PTPRA: variants seen among roughly 807,000 people sequenced by gnomAD.
PTPRA encodes the protein receptor-type tyrosine-protein phosphatase alpha.
Under a neutral mutation model 104.8 loss-of-function variants are expected in PTPRA, and 25 were observed. The ratio of observed to expected loss-of-function variants is 0.24; its 90% confidence interval spans 0.17 to 0.33. PTPRA has a LOEUF of 0.33. Among genes scored for constraint, PTPRA ranks in the 10% least tolerant of loss-of-function variants. The pLI is 1.00. For missense variants in PTPRA, 765 were observed against 1,015.3 expected, an observed-to-expected ratio of 0.75 and a Z score of 3.35; for synonymous variants, 323 against 368.9, an observed-to-expected ratio of 0.88 and a Z score of 1.43.
chr20:3,006,802 T>C (rs1446897610), intron 10 of PTPRA, among the ~76,000 whole-genome samples: 1 of 152,152 alleles, frequency 6.6e-6, no homozygotes, highest in Non-Finnish European at 1.5e-5. Flanking sequence ...CAGCTAATTT[T>C]GTATTTTTAG....
At chr20:2,936,920 C>G (rs2060724267) in intron 2 of PTPRA, among the ~76,000 whole-genome samples, 2 of 152,094 alleles carry the variant, frequency 1.3e-5, no homozygotes, top group Middle Eastern at 3.4e-3. Flanking sequence ...TCTGTTTCCC[C>G]TTTCCTGTTT....
At chr20:2,864,785 G>C in the PTPRA span, 1 of 1,173,610 alleles carries the variant, frequency 8.5e-7, no homozygotes, top group Admixed American at 1.9e-5. This position sits in a 1 kb window ranked among gnomAD's most constrained non-coding sequence, Gnocchi z 5.2. Flanking sequence ...GGGAGACTCT[G>C]ACGTGAGGCC....
At chr20:2,865,728 C>T in the PTPRA span, among the ~76,000 whole-genome samples, 6 of 152,300 alleles carry the variant, frequency 3.9e-5, no homozygotes, top group African/African-American at 1.4e-4. This position sits in a 1 kb window ranked among gnomAD's most constrained non-coding sequence, Gnocchi z 5.2. Flanking sequence ...GAATGAGCTG[C>T]TTTCCCCAGG....
chr20:2,898,583 C>T (rs1012126846), intron 1 of PTPRA, among the ~76,000 whole-genome samples: 1 of 151,576 alleles, frequency 6.6e-6, no homozygotes, highest in Non-Finnish European at 1.5e-5. Context: ...GTGGGCTGGG[C>T]GAGGTGGCTC....
chr20:2,922,876 C>A (rs1684893382), intron 1 of PTPRA, among the ~76,000 whole-genome samples: 1 of 151,840 alleles, frequency 6.6e-6, no homozygotes. Context: ...CTCAAGTGAT[C>A]CACCCACCTC....
At chr20:3,000,549 C>A (rs1319738494) in intron 9 of PTPRA, among the ~76,000 whole-genome samples, 2 of 152,082 alleles carry the variant, frequency 1.3e-5, no homozygotes, top group Admixed American at 6.6e-5. Context: ...GTTAAAGATA[C>A]CTATACCTGA....
In PTPRA at chr20:3,026,795, G is replaced by A. The variant is rs45525034; in HGVS notation, c.1708+15G>A. On this transcript the variant is annotated intron_variant, in intron 18 of 23. Transcript: ENST00000399903. Reference sequence around the variant, plus strand: ...GATCATTCCATGTAAGAGCCCTCCCGCCACTCCAAAGCCTTATTGCCCCAT... The same window carrying A: ...GATCATTCCATGTAAGAGCCCTCCCACCACTCCAAAGCCTTATTGCCCCAT... The A allele has an allele frequency of 9.3e-5, 146 of 1,578,154 alleles. No individual in the cohort carries two copies. The African/African-American group carries it at 1.3e-3, about 14-fold the overall frequency.
At chr20:2,937,760 C>A (rs2060761925) in intron 2 of PTPRA, among the ~76,000 whole-genome samples, 1 of 152,064 alleles carries the variant, frequency 6.6e-6, no homozygotes, top group Non-Finnish European at 1.5e-5. Context: ...GTTGGTGACA[C>A]ATTTTTAGTT....
Position 2,894,571 on chromosome 20 carries a change from G to A in PTPRA, c.-129+20811G>A, listed in dbSNP as rs543980663. 3.0e-3 allele frequency among the ~76,000 whole-genome samples: 459 copies of A among 151,774 alleles called. 1 individual carries two copies. Among genetic ancestry groups the A allele is most frequent in the Non-Finnish European group, 5.3e-3 (357 of 67,986 alleles). On this transcript the variant is annotated intron_variant, in intron 1 of 23. Transcript: ENST00000399903. ...GATCTTCCAGCCTTGGCCTCCCAAG[G>A]TGCTAGAATTATAGGCATGAGCCAC...
chr20:2,975,223 G>T lies in PTPRA; in HGVS notation c.424G>T (p.Asp142Tyr). ...PETFPPSGNSDSKDRRDETPI... is the reference protein window; with the variant it reads ...PETFPPSGNSYSKDRRDETPI... ...TTTTACTTATTACACAGGTAATTCT[G>T]ACTCGAAGGACAGAAGAGGTGAGCT... is the stretch of plus-strand genomic sequence containing the variant. Residue 142 changes from aspartate to tyrosine, a missense_variant, in exon 6 of 24, where the codon GAC becomes TAC. Transcript: ENST00000399903. 6.3e-7 allele frequency: 1 copy of T among 1,595,700 alleles called. No individual in the cohort carries two copies. Among genetic ancestry groups the T allele is most frequent in the South Asian group, 1.1e-5 (1 of 89,868 alleles).
At chr20:2,930,547 T>A (rs2060468081) in intron 2 of PTPRA, among the ~76,000 whole-genome samples, 1 of 151,992 alleles carries the variant, frequency 6.6e-6, no homozygotes, top group South Asian at 2.1e-4. Flanking sequence ...AAAGTCAAGG[T>A]GTTGGCAGTG....
chr20:2,960,866 A>G (rs547073808), intron 3 of PTPRA, among the ~76,000 whole-genome samples: 2 of 149,936 alleles, frequency 1.3e-5, no homozygotes, highest in South Asian at 2.1e-4. Context: ...TTTTTTAACC[A>G]GTGATCTTTT....
chr20:3,018,497 C>T (rs560507283), intron 13 of PTPRA, among the ~76,000 whole-genome samples: 110 of 151,700 alleles, frequency 7.3e-4, no homozygotes, highest in Non-Finnish European at 1.5e-3. Context: ...TCCATTCAAC[C>T]CTGAGTGGAT....
At chr20:3,015,808 T>G (rs1322377171) in intron 11 of PTPRA, 41 bp from the exon 12 acceptor site, 2 of 1,486,258 alleles carry the variant, frequency 1.3e-6, no homozygotes, top group Non-Finnish European at 1.9e-6. Flanking sequence ...CTATTCATTT[T>G]TGGTTTTCTC....
intron 2 of PTPRA, among the ~76,000 whole-genome samples, chr20:2,933,838 GAC>G (rs1216933536): frequency 1.3e-5 from 2 of 151,780 alleles, no homozygotes; most frequent in Non-Finnish European, 2.9e-5. Context: ...ATGTTTTGTT[GAC>G]ACATAAGAGT....
chr20:2,985,013 T>C (rs35229610), intron 6 of PTPRA, among the ~76,000 whole-genome samples: 1 of 152,218 alleles, frequency 6.6e-6, no homozygotes, highest in Non-Finnish European at 1.5e-5. Context: ...TTATAAACAG[T>C]GTCTTCCTTC....
intron 2 of PTPRA, among the ~76,000 whole-genome samples, chr20:2,940,240 A>G (rs768096582): frequency 2.0e-5 from 3 of 152,214 alleles, no homozygotes; most frequent in Admixed American, 6.5e-5. Flanking sequence ...AGTTTTTTTT[A>G]ACCTATGTAC....
chr20:2,912,079 C>CA (rs1465150249), intron 1 of PTPRA, among the ~76,000 whole-genome samples: 4 of 151,618 alleles, frequency 2.6e-5, no homozygotes, highest in South Asian at 2.1e-4. Flanking sequence ...CCCATCTCCA[C>CA]AAAAAATACC....
intron 9 of PTPRA, among the ~76,000 whole-genome samples, chr20:3,000,543 A>G (rs922496159): frequency 6.6e-6 from 1 of 152,198 alleles, no homozygotes; most frequent in African/African-American, 2.4e-5. Context: ...GGTAAGGTTA[A>G]AGATACCTAT....
Sources: allele counts gnomAD v4.1 joint callset (sites outside exome capture counted in the v4.1 genomes callset), GRCh38; gene constraint gnomAD v4.1.1; non-coding constraint Gnocchi (gnomAD v3.1); transcripts MANE v1.5; gene names NCBI Gene and HGNC (gene_info 2026-07-23, HGNC 2026-07-21).